The following ASB18 variants were observed in gnomAD, a reference collection of about 807,000 sequenced individuals.
ASB18 encodes the protein ankyrin repeat and SOCS box containing 18, also known as ankyrin repeat and SOCS box protein 18.
In ASB18, 33 loss-of-function variants were observed where a neutral mutation model predicts 33.4. The ratio of observed to expected loss-of-function variants is 0.99; its 90% CI spans 0.75 to 1.32. The LOEUF is 1.32. Among genes scored for constraint, ASB18 ranks in the 40% most tolerant of loss-of-function variants. ASB18 has a pLI of 0.00. For missense variants in ASB18, 694 were observed against 655.5 expected, an observed-to-expected ratio of 1.06 and a Z score of -0.64; for synonymous variants, 295 against 307.6, an observed-to-expected ratio of 0.96 and a Z score of 0.43.
At position 236,214,281 on chromosome 2, in the gene ASB18, C is replaced by T. The variant is rs980283104; in HGVS notation, c.1101+81G>A. ...CTGGGCCATTACACTTTGAGAGCGC[C>T]GCATGCAACCCAGCTCCCAGGCCGG... On this transcript the variant is annotated intron_variant, in intron 4 of 5. Transcript: ENST00000409749. This position sits in a 1 kb window ranked among gnomAD's most constrained non-coding sequence, Gnocchi z 6.5. 1 of 1,422,518 alleles carries T rather than the reference C, an allele frequency of 7.0e-7. No homozygotes were observed. The highest frequency in any genetic ancestry group is 9.4e-7 in the Non-Finnish European group (1 of 1,063,170). The allele number at this position is 1,422,518 out of a possible 1,614,324, so 88.1% of individuals were successfully genotyped here.
chr2:236,211,867 G>A lies in ASB18; in HGVS notation c.1101+2495C>T, dbSNP rs1261639163. On this transcript the variant is annotated intron_variant, in intron 4 of 5. Coordinates refer to ENST00000409749, the MANE Select transcript of ASB18 (RefSeq NM_212556.4). The surrounding 1 kb of genome is among the most constrained non-coding windows in gnomAD (Gnocchi z 5.0). ...ATCCACCATCCTCTCCTGGCCAGGT[G>A]TAGGGGTACCCACTGGAGGTGTGGG... is the stretch of plus-strand genomic sequence containing the variant. 6.6e-6 allele frequency among the ~76,000 whole-genome samples: 1 copy of A among 152,156 alleles called. No homozygotes were observed. The highest frequency in any genetic ancestry group is 1.5e-5 in the Non-Finnish European group (1 of 68,034).
Position 236,256,100 on chromosome 2 carries a change from G to A in ASB18, c.205+8041C>T, listed in dbSNP as rs897231992. 6.6e-5 allele frequency among the ~76,000 whole-genome samples: 10 copies of A among 152,132 alleles called. No homozygotes were observed. Among genetic ancestry groups the A allele is most frequent in the South Asian group, 2.1e-4 (1 of 4,808 alleles). On this transcript the variant is annotated intron_variant, in intron 1 of 5. Coordinates refer to ENST00000409749, the MANE Select transcript of ASB18 (RefSeq NM_212556.4). This position sits in a 1 kb window ranked among gnomAD's most constrained non-coding sequence, Gnocchi z 4.7. Reference sequence around the variant, plus strand: ...GGTTGGAGTGCAGTGGCATGATCACGGTTCACTGCAGCACCTTCCAGCTTA... The same window carrying A: ...GGTTGGAGTGCAGTGGCATGATCACAGTTCACTGCAGCACCTTCCAGCTTA...
intron 4 of ASB18, among the ~76,000 whole-genome samples, chr2:236,197,066 AT>A (rs367603352): frequency 0.44 from 67,097 of 151,424 alleles, 18,144 homozygotes; most frequent in African/African-American, 0.78. Context: ...ACTCCCATGT[AT>A]CCCCGCCCCC....
In ASB18 at chr2:236,222,605, G is replaced by A. The variant is rs1446992262; in HGVS notation, c.597-7739C>T. ...TGAAATGTAATCCCCAATGCTGGGGGCAGGATGGGGCCTGGTGGGAGGTGG... is the reference window on the plus strand; with the variant it reads ...TGAAATGTAATCCCCAATGCTGGGGACAGGATGGGGCCTGGTGGGAGGTGG... On this transcript the variant is annotated intron_variant, in intron 3 of 5. Coordinates refer to ENST00000409749, the MANE Select transcript of ASB18 (RefSeq NM_212556.4). The surrounding 1 kb of genome is among the most constrained non-coding windows in gnomAD (Gnocchi z 5.5). Among the ~76,000 whole-genome samples the A allele has an allele frequency of 6.6e-6, 1 of 152,188 alleles. No individual in the cohort carries two copies. The highest frequency in any genetic ancestry group is 2.4e-5 in the African/African-American group (1 of 41,434).
chr2:236,223,832 C>T lies in ASB18; in HGVS notation c.597-8966G>A, dbSNP rs6727328. Reference sequence around the variant, plus strand: ...ATCATGCTGTTCACATTCATCCATACTGTTGCCTGCATGGAGTAATTCATT... The same window carrying T: ...ATCATGCTGTTCACATTCATCCATATTGTTGCCTGCATGGAGTAATTCATT... On this transcript the variant is annotated intron_variant, in intron 3 of 5. Transcript: ENST00000409749. The surrounding 1 kb of genome is among the most constrained non-coding windows in gnomAD (Gnocchi z 4.6). Among the ~76,000 whole-genome samples the T allele has an allele frequency of 0.48, 73,618 of 152,080 alleles. 21,993 individuals are homozygous for T. Among genetic ancestry groups the T allele is most frequent in the African/African-American group, 0.86 (35,629 of 41,520 alleles).
rs1048221593 is a variant in ASB18 at position 236,193,614 on chromosome 2, T to G, written c.*1258A>C. ...GAGTTTGAGACCAGCCTGACGAACA[T>G]GGAGAAACCCCGTCTCTACTAAAAA... On this transcript the variant is annotated 3_prime_UTR_variant, in exon 6 of 6. Transcript: ENST00000409749. The surrounding 1 kb of genome is among the most constrained non-coding windows in gnomAD (Gnocchi z 5.0). 6.6e-6 allele frequency among the ~76,000 whole-genome samples: 1 copy of G among 152,200 alleles called. No individual in the cohort carries two copies. Among genetic ancestry groups the G allele is most frequent in the South Asian group, 2.1e-4 (1 of 4,820 alleles).
In ASB18 at chr2:236,235,640, A is replaced by G. The variant is rs140042100; in HGVS notation, c.596+2049T>C. 3.3e-5 allele frequency among the ~76,000 whole-genome samples: 5 copies of G among 152,384 alleles called. No homozygotes were observed. The East Asian group carries it at 9.6e-4, about 29-fold the overall frequency. On this transcript the variant is annotated intron_variant, in intron 3 of 5. Coordinates refer to ENST00000409749, the MANE Select transcript of ASB18 (RefSeq NM_212556.4). This position sits in a 1 kb window ranked among gnomAD's most constrained non-coding sequence, Gnocchi z 6.2. ...GGTGAGGCTGTAAAGCAACTGGAAC[A>G]TGCAGACATCGCTGGTGCGGATGTA...
intron 1 of ASB18, among the ~76,000 whole-genome samples, chr2:236,254,852 T>C (rs573319822): frequency 6.6e-6 from 1 of 152,124 alleles, no homozygotes; most frequent in East Asian, 1.9e-4. Context: ...TGGTGGGGCC[T>C]GGTGGGAGGT....
rs776825057 is a variant in ASB18, at chr2:236,214,526, G to A, written c.937C>T (p.Leu313=). The change falls in exon 4 of 6, where the codon CTG becomes TTG. Residue 313 remains leucine, a synonymous_variant. Coordinates refer to ENST00000409749, the MANE Select transcript of ASB18 (RefSeq NM_212556.4). The surrounding 1 kb of genome is among the most constrained non-coding windows in gnomAD (Gnocchi z 6.5). ...GCGCCCGCGTCGGCGCCGTGCCGCA[G>A]TAGGAGGCGCGCCAGGCTGTGGCTC... ...HASHSLARLL[L]RHGADAGALD... 5.5e-6 allele frequency: 8 copies of A among 1,442,900 alleles called. No homozygotes were observed. In the African/African-American group the frequency reaches 1.1e-4, roughly 19 times the overall value. The allele number at this position is 1,442,900 out of a possible 1,614,324, so 89.4% of individuals were successfully genotyped here.
At position 236,213,288 on chromosome 2, in the gene ASB18, C is replaced by A. The variant is rs1418618068; in HGVS notation, c.1101+1074G>T. Reference sequence around the variant, plus strand: ...GGAGTTGTCTCGGGGGATTTTCTAACCTTTCAGAGGCACAGTCTACTCTGA... The same window carrying A: ...GGAGTTGTCTCGGGGGATTTTCTAAACTTTCAGAGGCACAGTCTACTCTGA... On this transcript the variant is annotated intron_variant, in intron 4 of 5. Coordinates refer to ENST00000409749, the MANE Select transcript of ASB18 (RefSeq NM_212556.4). This position sits in a 1 kb window ranked among gnomAD's most constrained non-coding sequence, Gnocchi z 4.8. Among the ~76,000 whole-genome samples the A allele has an allele frequency of 1.3e-4, 19 of 151,878 alleles. No individual in the cohort carries two copies. The highest frequency in any genetic ancestry group is 1.1e-3 in the Admixed American group (17 of 15,262).
chr2:236,202,706 G>A (rs2060410016), intron 4 of ASB18, among the ~76,000 whole-genome samples: 1 of 148,586 alleles, frequency 6.7e-6, no homozygotes, highest in African/African-American at 2.5e-5. Flanking sequence ...TTGAACCCAG[G>A]AGGCAGAGGT....
In ASB18 at chr2:236,215,020, GA is replaced by G. The variant is rs574936196; in HGVS notation, c.597-155del. On this transcript the variant is annotated intron_variant, in intron 3 of 5. Coordinates refer to ENST00000409749, the MANE Select transcript of ASB18 (RefSeq NM_212556.4). The surrounding 1 kb of genome is among the most constrained non-coding windows in gnomAD (Gnocchi z 7.2). ...GGCGTCAGGAGTTCAAACTAAACTGGAAAAAAAAAAAAAAAAAAAGAGATTA... is the reference window on the plus strand; with the variant it reads ...GGCGTCAGGAGTTCAAACTAAACTGGAAAAAAAAAAAAAAAAAAGAGATTA... 0.35 allele frequency among the ~76,000 whole-genome samples: 42,135 copies of G among 119,984 alleles called. 6,357 individuals are homozygous for G. The highest frequency in any genetic ancestry group is 0.4 in the South Asian group (1,543 of 3,818). 78.7% of individuals were successfully genotyped at this position (119,984 alleles called of 152,430 possible).
chr2:236,216,274 C>G lies in ASB18; in HGVS notation c.597-1408G>C, dbSNP rs1484426641. Among the ~76,000 whole-genome samples the G allele has an allele frequency of 6.6e-6, 1 of 152,326 alleles. No individual in the cohort carries two copies. The highest frequency in any genetic ancestry group is 2.1e-4 in the South Asian group (1 of 4,818). The stretch of plus-strand genomic sequence containing the variant: ...CTCCACTAACCACTCCTAATGTTGA[C>G]CTTGGTCCTCAAGCTTCCGCCCTCT... On this transcript the variant is annotated intron_variant, in intron 3 of 5. Transcript: ENST00000409749. The surrounding 1 kb of genome is among the most constrained non-coding windows in gnomAD (Gnocchi z 6.1).
At position 236,248,993 on chromosome 2, in the gene ASB18, TGTTTTTAAGTTAA is replaced by T. The variant is rs1165999935; in HGVS notation, c.206-7604_206-7592del. 6.6e-6 allele frequency: 1 copy of T among 152,254 alleles called. No homozygotes were observed. Among genetic ancestry groups the T allele is most frequent in the African/African-American group, 2.4e-5 (1 of 41,468 alleles). The allele number at this position is 152,254 out of a possible 1,614,324, so 9.4% of individuals were successfully genotyped here. On this transcript the variant is annotated intron_variant, in intron 1 of 5. Transcript: ENST00000409749. This position sits in a 1 kb window ranked among gnomAD's most constrained non-coding sequence, Gnocchi z 4.9. The stretch of plus-strand genomic sequence containing the variant: ...TGGGGCACTAGAAGTTTCTTTCTCT[TGTTTTTAAGTTAA>T]GAGGTTGTTGGTTGTTTTGATGCAT...
At position 236,234,476 on chromosome 2, in the gene ASB18, G is replaced by A. The variant is rs2060579929; in HGVS notation, c.596+3213C>T. ...TTTTGGTGTGTGGCATAAAGATTGT[G>A]AGGAGCCAACACCACTGGCTACTCT... is the stretch of plus-strand genomic sequence containing the variant. On this transcript the variant is annotated intron_variant, in intron 3 of 5. Transcript: ENST00000409749. This position sits in a 1 kb window ranked among gnomAD's most constrained non-coding sequence, Gnocchi z 4.1. Among the ~76,000 whole-genome samples the A allele has an allele frequency of 1.3e-5, 2 of 152,158 alleles. No homozygotes were observed. The highest frequency in any genetic ancestry group is 2.9e-5 in the Non-Finnish European group (2 of 68,040).
Position 236,264,168 on chromosome 2 carries a change from C to T in ASB18, c.178G>A (p.Ala60Thr), listed in dbSNP as rs2060734975. The change falls in exon 1 of 6, where the codon GCT (alanine) becomes ACT (threonine). Residue 60 changes from alanine (A) to threonine (T), a missense_variant. By Grantham distance (58) the Ala-to-Thr change is moderately conservative. Transcript: ENST00000409749. This position sits in a 1 kb window ranked among gnomAD's most constrained non-coding sequence, Gnocchi z 5.1. ...AGCAGCATGCCGGTGGGCAGCTGAG[C>T]CGAGGGGTCTTTCATCCAGTCGTCA... ...ANDDWMKDPS[A>T]QLPTGMLLGD... The T allele has an allele frequency of 6.2e-7, 1 of 1,613,800 alleles. No individual in the cohort carries two copies. The highest frequency in any genetic ancestry group is 1.3e-5 in the African/African-American group (1 of 74,914).
rs1239105283 is a variant in ASB18 at position 236,219,227 on chromosome 2, C to T, written c.597-4361G>A. Among the ~76,000 whole-genome samples the T allele has an allele frequency of 6.6e-6, 1 of 152,030 alleles. No homozygotes were observed. The highest frequency in any genetic ancestry group is 1.9e-4 in the East Asian group (1 of 5,186). On this transcript the variant is annotated intron_variant, in intron 3 of 5. Coordinates refer to ENST00000409749, the MANE Select transcript of ASB18 (RefSeq NM_212556.4). This position sits in a 1 kb window ranked among gnomAD's most constrained non-coding sequence, Gnocchi z 6.4. ...TGTGTGTTTATCTCTGGATGATGGG[C>T]ATAGTGGGAGCTTGTTTCCTTTTTG... is the stretch of plus-strand genomic sequence containing the variant.
At chr2:236,197,214 C>T (rs980364395) in intron 4 of ASB18, among the ~76,000 whole-genome samples, 1 of 152,060 alleles carries the variant, frequency 6.6e-6, no homozygotes, top group African/African-American at 2.4e-5. Context: ...TATTATAGCA[C>T]CTGAGAAATT....
intron 4 of ASB18, among the ~76,000 whole-genome samples, chr2:236,201,970 G>C (rs750831444): frequency 1.4e-5 from 2 of 147,758 alleles, no homozygotes; most frequent in African/African-American, 2.5e-5. Context: ...TTTTTTTTGA[G>C]ACAGAGCCTC....
Sources: gnomAD v4.1 joint callset for allele counts (sites outside exome capture counted in the v4.1 genomes callset) on GRCh38, gnomAD v4.1.1 for gene constraint, Gnocchi (gnomAD v3.1) non-coding constraint, MANE v1.5 for transcripts, NCBI Gene and HGNC (gene_info 2026-07-23, HGNC 2026-07-21) for gene names.